RGMA: variants seen among roughly 807,000 people sequenced by gnomAD.
RGMA encodes the protein repulsive guidance molecule BMP co-receptor a.
A neutral mutation model predicts 23.2 loss-of-function variants in RGMA; 10 were observed. The ratio of observed to expected loss-of-function variants is 0.43; its 90% CI spans 0.27 to 0.73. The LOEUF (loss-of-function observed/expected upper bound fraction) is 0.73. RGMA is among the 30% of genes least tolerant of loss of function. The pLI is 0.20. For missense variants in RGMA, 547 were observed against 630.5 expected (o/e 0.87, Z 1.42); for synonymous variants, 308 against 279.3 (o/e 1.10, Z -1.03).
chr15:93,066,106 T>G, intron 2 of RGMA: 1 of 1,435,308 alleles, frequency 7.0e-7, no homozygotes, highest in South Asian at 1.1e-5. Context: ...CTTACGTAGG[T>G]TGGGGGCATA....
At chr15:93,047,787 G>C (rs1052024017) in intron 3 of RGMA, among the ~76,000 whole-genome samples, 2 of 152,230 alleles carry the variant, frequency 1.3e-5, no homozygotes, top group African/African-American at 4.8e-5. Context: ...GGGCAATGCC[G>C]CCGCGTGCCA....
intron 1 of RGMA, among the ~76,000 whole-genome samples, chr15:93,076,017 T>C (rs1895467906): frequency 6.6e-6 from 1 of 152,184 alleles, no homozygotes; most frequent in African/African-American, 2.4e-5. Context: ...CCCAACTCTC[T>C]GCAGGAATAA....
intron 2 of RGMA, among the ~76,000 whole-genome samples, chr15:93,054,615 A>G (rs1471879413): frequency 6.6e-6 from 1 of 152,190 alleles, no homozygotes; most frequent in East Asian, 1.9e-4. Flanking sequence ...CTCCCCGGCC[A>G]TGTGGAACTA....
chr15:93,074,936 AAGTC>A (rs1279888362), intron 1 of RGMA, among the ~76,000 whole-genome samples: 6 of 152,208 alleles, frequency 3.9e-5, no homozygotes, highest in Admixed American at 1.3e-4. Flanking sequence ...CTGGCATTCC[AAGTC>A]ACCTGGACAG....
At chr15:93,067,284 GA>G (rs11395171) in intron 2 of RGMA, among the ~76,000 whole-genome samples, 10 of 150,624 alleles carry the variant, frequency 6.6e-5, no homozygotes, top group Non-Finnish European at 1.0e-4. Context: ...CTGGAAAAAA[GA>G]AAAAAAAATC....
intron 2 of RGMA, chr15:93,065,669 G>GCTGCCCTCT: frequency 1.8e-6 from 2 of 1,091,286 alleles, no homozygotes; most frequent in South Asian, 2.5e-5. Flanking sequence ...GCCGGGGCCT[G>GCTGCCCTCT]CTGCCCTCTC....
rs1336272477 is a variant in RGMA at position 93,041,022 on chromosome 15, C to G, written c.*3976G>C. 2 of 152,184 alleles carry G rather than the reference C, an allele frequency of 1.3e-5. No individual in the cohort carries two copies. Among genetic ancestry groups the G allele is most frequent in the African/African-American group, 4.8e-5 (2 of 41,430 alleles). 9.4% of individuals were successfully genotyped at this position (152,184 alleles called of 1,614,324 possible). A position where few individuals can be genotyped will look rare whatever the true frequency, so the allele number is the denominator to read the frequency against. ...TGAGCCAGTTTTGACGCCAAGTTTG[C>G]CTGCAGCCCGAGCCCAAGTGCCACC... On this transcript the variant is annotated 3_prime_UTR_variant, in exon 4 of 4. Coordinates refer to ENST00000329082, the MANE Select transcript of RGMA (RefSeq NM_020211.3).
At chr15:93,073,557 G>A in intron 1 of RGMA, 1 of 1,523,626 alleles carries the variant, frequency 6.6e-7, no homozygotes, top group Non-Finnish European at 8.8e-7. Context: ...GCAAATCCCA[G>A]CCCTACTTTC....
chr15:93,069,438 G>A (rs556172836), intron 2 of RGMA, among the ~76,000 whole-genome samples: 7 of 152,356 alleles, frequency 4.6e-5, no homozygotes, highest in African/African-American at 1.7e-4. Context: ...AGCTCTGATA[G>A]AAACAGTCTC....
chr15:93,086,829 A>G (rs1895640887), intron 1 of RGMA, among the ~76,000 whole-genome samples: 1 of 152,212 alleles, frequency 6.6e-6, no homozygotes, highest in Non-Finnish European at 1.5e-5. Context: ...CTATTATTAC[A>G]TACACTGGGA....
rs1031686334 is a variant in RGMA at position 93,040,164 on chromosome 15, G to A, written c.*4834C>T. On this transcript the variant is annotated 3_prime_UTR_variant, in exon 4 of 4. Coordinates refer to ENST00000329082, the MANE Select transcript of RGMA (RefSeq NM_020211.3). ...GTGGAGGCTGCAGTGAGCTGTGATT[G>A]TGCCGCTGCACTCCAGCCTGGGTGA... The A allele has an allele frequency of 6.6e-6, 1 of 152,314 alleles. No homozygotes were observed. The highest frequency in any genetic ancestry group is 2.4e-5 in the African/African-American group (1 of 41,446). The allele number at this position is 152,314 out of a possible 1,614,324, so 9.4% of individuals were successfully genotyped here.
At chr15:93,087,955 G>A (rs1895666415) in intron 1 of RGMA, among the ~76,000 whole-genome samples, 1 of 152,056 alleles carries the variant, frequency 6.6e-6, no homozygotes, top group African/African-American at 2.4e-5. Context: ...ACCTTGTGCG[G>A]GAGACTACTT....
chr15:93,044,417 A>G lies in RGMA; in HGVS notation c.*581T>C, dbSNP rs1036260086. 6.5e-6 allele frequency: 1 copy of G among 154,694 alleles called. No homozygotes were observed. Among genetic ancestry groups the G allele is most frequent in the Non-Finnish European group, 1.4e-5 (1 of 69,790 alleles). The allele number at this position is 154,694 out of a possible 1,614,324, so 9.6% of individuals were successfully genotyped here. A position where few individuals can be genotyped will look rare whatever the true frequency, so the allele number is the denominator to read the frequency against. Reference sequence around the variant, plus strand: ...ACAGGCCAGAAGGCACCAGGCGGGCACGACCTACTGGCCAAAAGGTTCCAG... The same window carrying G: ...ACAGGCCAGAAGGCACCAGGCGGGCGCGACCTACTGGCCAAAAGGTTCCAG... On this transcript the variant is annotated 3_prime_UTR_variant, in exon 4 of 4. Coordinates refer to ENST00000329082, the MANE Select transcript of RGMA (RefSeq NM_020211.3).
intron 3 of RGMA, among the ~76,000 whole-genome samples, chr15:93,047,967 AG>A (rs1180550289): frequency 9.8e-5 from 15 of 152,302 alleles, no homozygotes; most frequent in African/African-American, 3.1e-4. Context: ...GGGTCTGGCC[AG>A]GAATGCAGCA....
intron 2 of RGMA, among the ~76,000 whole-genome samples, chr15:93,059,538 T>C (rs1178191417): frequency 6.6e-6 from 1 of 152,090 alleles, no homozygotes; most frequent in Non-Finnish European, 1.5e-5. Flanking sequence ...GGGTGACTGC[T>C]CCCCTCTGCC....
chr15:93,088,433 G>A, intron 1 of RGMA: 1 of 985,862 alleles, frequency 1.0e-6, no homozygotes, highest in East Asian at 1.1e-4. Context: ...GCAAAGGGCC[G>A]CCGGGACGCG....
intron 2 of RGMA, among the ~76,000 whole-genome samples, chr15:93,064,333 G>A (rs879139712): frequency 5.9e-5 from 9 of 152,342 alleles, no homozygotes; most frequent in Admixed American, 2.0e-4. Flanking sequence ...AGATGTAAAC[G>A]ATGCTTGCAG....
intron 2 of RGMA, chr15:93,066,565 C>T (rs953422607): frequency 4.9e-5 from 23 of 471,806 alleles, no homozygotes; most frequent in Admixed American, 1.8e-4. Flanking sequence ...GGCTTCCCTG[C>T]GGGCACTGGT....
rs752038777 is a variant in RGMA, at chr15:93,040,910, G to A, written c.*4088C>T. The A allele has an allele frequency of 6.6e-5, 10 of 152,154 alleles. No individual in the cohort carries two copies. The highest frequency in any genetic ancestry group is 6.5e-5 in the Admixed American group (1 of 15,272). The allele number at this position is 152,154 out of a possible 1,614,324, so 9.4% of individuals were successfully genotyped here. A position where few individuals can be genotyped will look rare whatever the true frequency, so the allele number is the denominator to read the frequency against. The stretch of plus-strand genomic sequence containing the variant: ...CTCACTGGATTTCCATACTGACCTC[G>A]GGAGGTGGAGACTCACAAATCCATT... On this transcript the variant is annotated 3_prime_UTR_variant, in exon 4 of 4. Coordinates refer to ENST00000329082, the MANE Select transcript of RGMA (RefSeq NM_020211.3).
Sources: gnomAD v4.1 joint callset for allele counts (sites outside exome capture counted in the v4.1 genomes callset) on GRCh38, gnomAD v4.1.1 for gene constraint, MANE v1.5 for transcripts, NCBI Gene and HGNC (gene_info 2026-07-23, HGNC 2026-07-21) for gene names.